VIPR2: variants seen among roughly 807,000 people sequenced by gnomAD.
The protein encoded by VIPR2 is vasoactive intestinal polypeptide receptor 2.
VIPR2 carries 48 observed loss-of-function variants against 58.0 expected under a neutral mutation model. That is an observed-to-expected ratio of 0.83 (90% CI 0.66 to 1.05). VIPR2 has a LOEUF of 1.05. Among genes scored for constraint, VIPR2 ranks in the 50% least tolerant of loss-of-function variants. VIPR2 has a pLI of 0.00. For missense variants in VIPR2, 534 were observed against 558.0 expected, an observed-to-expected ratio of 0.96 and a Z score of 0.43; for synonymous variants, 243 against 235.2, an observed-to-expected ratio of 1.03 and a Z score of -0.30.
intron 2 of VIPR2, among the ~76,000 whole-genome samples, chr7:159,115,336 C>T (rs544294043): frequency 2.6e-5 from 4 of 152,368 alleles, no homozygotes; most frequent in South Asian, 2.1e-4. Flanking sequence ...CCCTTTGGCT[C>T]GCACACCGAG....
chr7:159,134,402 A>G (rs1327393281), intron 2 of VIPR2, among the ~76,000 whole-genome samples: 4 of 152,226 alleles, frequency 2.6e-5, no homozygotes, highest in African/African-American at 9.6e-5. Flanking sequence ...GGAAAAGTAT[A>G]TGAGGTCTGT....
In VIPR2 at chr7:159,096,851, C is replaced by T. The variant is rs114052162; in HGVS notation, c.357+6906G>A. 6,310 of 1,524,586 alleles carry T rather than the reference C, an allele frequency of 4.1e-3. 246 individuals are homozygous for T. The African/African-American group carries it at 0.076, about 18-fold the overall frequency. 94.4% of individuals were successfully genotyped at this position (1,524,586 alleles called of 1,614,324 possible). On this transcript the variant is annotated intron_variant, in intron 4 of 12. Coordinates refer to ENST00000262178, the MANE Select transcript of VIPR2 (RefSeq NM_003382.5). The surrounding 1 kb of genome is among the most constrained non-coding windows in gnomAD (Gnocchi z 5.5). Reference sequence around the variant, plus strand: ...CCGGCCCACCTCGGGATGCTTCCGCCGTACTGTGTCCATGGCTGAGACCAC... The same window carrying T: ...CCGGCCCACCTCGGGATGCTTCCGCTGTACTGTGTCCATGGCTGAGACCAC...
intron 2 of VIPR2, among the ~76,000 whole-genome samples, chr7:159,112,964 G>A (rs1796095417): frequency 6.6e-6 from 1 of 152,226 alleles, no homozygotes; most frequent in Non-Finnish European, 1.5e-5. Flanking sequence ...CCGACTGTGT[G>A]AGCAGGAGGC....
intron 1 of VIPR2, chr7:159,144,354 C>G: frequency 6.5e-7 from 1 of 1,539,954 alleles, no homozygotes; most frequent in Non-Finnish European, 8.8e-7. Context: ...CCCCGATCTC[C>G]CCGTGAAACG....
At chr7:159,059,540 T>C (rs940348277) in intron 4 of VIPR2, among the ~76,000 whole-genome samples, 55 of 152,250 alleles carry the variant, frequency 3.6e-4, no homozygotes, top group African/African-American at 1.3e-3. Flanking sequence ...ATAACTTTAC[T>C]GTTTAATCAT....
At chr7:159,083,838 C>A (rs1190329325) in intron 4 of VIPR2, among the ~76,000 whole-genome samples, 1 of 152,258 alleles carries the variant, frequency 6.6e-6, no homozygotes, top group Admixed American at 6.5e-5. Flanking sequence ...CTCAGGCAAA[C>A]TTGAAGCAAG....
At position 159,031,563 on chromosome 7, in the gene VIPR2, T is replaced by C. The variant is rs1305437413; in HGVS notation, c.1143+265A>G. On this transcript the variant is annotated intron_variant, in intron 12 of 12. Coordinates refer to ENST00000262178, the MANE Select transcript of VIPR2 (RefSeq NM_003382.5). The surrounding 1 kb of genome is among the most constrained non-coding windows in gnomAD (Gnocchi z 4.0). ...TTCTGTCTAGACCCGGCCGGGAGCTTTCCCGAGAGGGCTCCGAGACGGACG... is the reference window on the plus strand; with the variant it reads ...TTCTGTCTAGACCCGGCCGGGAGCTCTCCCGAGAGGGCTCCGAGACGGACG... 1.0e-5 allele frequency: 10 copies of C among 985,166 alleles called. No individual in the cohort carries two copies. Among genetic ancestry groups the C allele is most frequent in the Non-Finnish European group, 1.2e-5 (10 of 829,898 alleles). 61.0% of individuals were successfully genotyped at this position (985,166 alleles called of 1,614,324 possible).
At position 159,039,029 on chromosome 7, in the gene VIPR2, A is replaced by G. The variant is rs192547581; in HGVS notation, c.598-2127T>C. Among the ~76,000 whole-genome samples the G allele has an allele frequency of 2.1e-3, 322 of 152,366 alleles. 2 individuals are homozygous for G. The highest frequency in any genetic ancestry group is 7.5e-3 in the African/African-American group (312 of 41,594). On this transcript the variant is annotated intron_variant, in intron 6 of 12. Coordinates refer to ENST00000262178, the MANE Select transcript of VIPR2 (RefSeq NM_003382.5). Reference sequence around the variant, plus strand: ...GAGTGTGCATGAGAGCCACAGAGGCAGTGCCAACGCCCACCAGACAGGCAA... The same window carrying G: ...GAGTGTGCATGAGAGCCACAGAGGCGGTGCCAACGCCCACCAGACAGGCAA...
At chr7:159,035,275 G>A (rs1468538966) in intron 8 of VIPR2, among the ~76,000 whole-genome samples, 2 of 152,180 alleles carry the variant, frequency 1.3e-5, no homozygotes, top group African/African-American at 2.4e-5. Context: ...CTTCAGGCTG[G>A]TGCAGTCTCA....
intron 4 of VIPR2, among the ~76,000 whole-genome samples, chr7:159,079,571 G>A (rs979864159): frequency 6.6e-6 from 1 of 152,148 alleles, no homozygotes; most frequent in African/African-American, 2.4e-5. Flanking sequence ...AGAAGCAAGA[G>A]CAAACACATT....
Position 159,063,912 on chromosome 7 carries a change from G to A in VIPR2, c.358-5334C>T, listed in dbSNP as rs569541190. On this transcript the variant is annotated intron_variant, in intron 4 of 12. Transcript: ENST00000262178. ...GTCCTGGGGGGATCTGGGGTTCCTG[G>A]AGGGATGTGGGGTCCTGGTTGGATC... Among the ~76,000 whole-genome samples, 92 of 137,838 alleles carry A rather than the reference G, an allele frequency of 6.7e-4. 1 individual carries two copies. The highest frequency in any genetic ancestry group is 2.9e-3 in the South Asian group (11 of 3,852). The allele number at this position is 137,838 out of a possible 152,430, so 90.4% of individuals were successfully genotyped here.
At chr7:159,109,125 TTC>T (rs1471926822) in intron 3 of VIPR2, among the ~76,000 whole-genome samples, 3 of 152,238 alleles carry the variant, frequency 2.0e-5, no homozygotes, top group African/African-American at 4.8e-5. Context: ...GTATTATGCT[TTC>T]TGTTTCCAGA....
chr7:159,110,481 A>G (rs2129496299), intron 2 of VIPR2, among the ~76,000 whole-genome samples: 1 of 152,370 alleles, frequency 6.6e-6, no homozygotes, highest in Non-Finnish European at 1.5e-5. Flanking sequence ...AAGGTTAGAT[A>G]TAAAAATGTT....
intron 1 of VIPR2, 94 bp from the exon 2 acceptor site, chr7:159,142,639 A>G (rs1797519700): frequency 1.2e-6 from 1 of 847,640 alleles, no homozygotes; most frequent in Non-Finnish European, 1.8e-6. Context: ...CAAACCTCAC[A>G]GCTTTAAACT....
intron 5 of VIPR2, among the ~76,000 whole-genome samples, chr7:159,049,698 C>T (rs1162576870): frequency 1.3e-5 from 2 of 152,280 alleles, no homozygotes; most frequent in South Asian, 2.1e-4. Context: ...TGGCCAAGGG[C>T]GAGTACTTGG....
chr7:159,031,961 C>A lies in VIPR2; in HGVS notation c.1078G>T (p.Glu360Ter). 1 of 1,614,176 alleles carries A rather than the reference C, an allele frequency of 6.2e-7. No individual in the cohort carries two copies. Among genetic ancestry groups the A allele is most frequent in the Non-Finnish European group, 8.5e-7 (1 of 1,180,038 alleles). ...ACCTGGAACGACCCGAGGCACAGCTCAAACAGTATCTGGTATTTGGAGGAG... is the reference window on the plus strand; with the variant it reads ...ACCTGGAACGACCCGAGGCACAGCTAAAACAGTATCTGGTATTTGGAGGAG... ...SISSKYQILFELCLGSFQGLV... is the reference protein window; with the variant it reads ...SISSKYQILF The change falls in exon 11 of 13, where the codon GAG becomes TAG. Residue 360 changes from glutamate (E) to a stop codon, truncating the protein, a stop_gained. Transcript: ENST00000262178. LOFTEE classifies it high-confidence loss of function. This position sits in a 1 kb window ranked among gnomAD's most constrained non-coding sequence, Gnocchi z 4.0.
In VIPR2 at chr7:159,093,824, G is replaced by A. The variant is rs1046038213; in HGVS notation, c.357+9933C>T. Among the ~76,000 whole-genome samples the A allele has an allele frequency of 2.7e-5, 4 of 150,868 alleles. No individual in the cohort carries two copies. Among genetic ancestry groups the A allele is most frequent in the Non-Finnish European group, 4.4e-5 (3 of 68,008 alleles). ...GAGGCCCTGCAGCGTCCCTGGGTCC[G>A]GACATGGGAGAGGCCCCGCAGTGTC... On this transcript the variant is annotated intron_variant, in intron 4 of 12. Transcript: ENST00000262178. This position sits in a 1 kb window ranked among gnomAD's most constrained non-coding sequence, Gnocchi z 6.7.
intron 4 of VIPR2, among the ~76,000 whole-genome samples, chr7:159,088,349 T>C (rs1585457257): frequency 6.6e-6 from 1 of 151,960 alleles, no homozygotes; most frequent in East Asian, 1.9e-4. Flanking sequence ...AGCACACCTG[T>C]ATATCTGCAC....
intron 4 of VIPR2, among the ~76,000 whole-genome samples, chr7:159,091,213 C>T (rs1431342249): frequency 1.3e-5 from 2 of 152,270 alleles, no homozygotes; most frequent in African/African-American, 2.4e-5. Context: ...TGGAGCAACA[C>T]AAGTGAGGTT....
Sources: allele counts gnomAD v4.1 joint callset (sites outside exome capture counted in the v4.1 genomes callset), GRCh38; gene constraint gnomAD v4.1.1; non-coding constraint Gnocchi (gnomAD v3.1); transcripts MANE v1.5; gene names NCBI Gene and HGNC (gene_info 2026-07-23, HGNC 2026-07-21).